The following ZGRF1 variants were observed in gnomAD, a reference collection of about 807,000 sequenced individuals.
The protein encoded by ZGRF1 is 5'-3' DNA helicase ZGRF1.
In ZGRF1, 196 loss-of-function variants were observed where a neutral mutation model predicts 203.5. The ratio of observed to expected loss-of-function variants is 0.96; its 90% CI spans 0.86 to 1.08. The LOEUF is 1.08. ZGRF1 is among the 50% of genes least tolerant of loss of function. The pLI, the probability that ZGRF1 is intolerant of heterozygous loss-of-function variation, is 0.00. For synonymous variants in ZGRF1, 809 were observed against 841.3 expected (o/e 0.96, Z 0.66); for missense variants, 2,326 against 2,416.3 (o/e 0.96, Z 0.78).
At position 112,587,818 on chromosome 4, in the gene ZGRF1, A is replaced by T. The variant is rs1747477402; in HGVS notation, c.3239T>A (p.Leu1080Ter). 1 of 1,551,726 alleles carries T rather than the reference A, an allele frequency of 6.4e-7. No individual in the cohort carries two copies. Among genetic ancestry groups the T allele is most frequent in the African/African-American group, 1.4e-5 (1 of 73,044 alleles). The change falls in exon 12 of 28, where the codon TTA (leucine) becomes TAA (stop). Residue 1080 changes from leucine (L) to a stop codon, truncating the protein, a stop_gained. Coordinates refer to ENST00000505019, the MANE Select transcript of ZGRF1 (RefSeq NM_018392.5). LOFTEE classifies it high-confidence loss of function. ...GTTGATCATATACGAATGAGAGTCT[A>T]AGTCAGGTGGCCCATCAGTACGTGG... is the stretch of plus-strand genomic sequence containing the variant. Reference protein sequence around the residue: ...TLPRTDGPPDLDSHSYMINSN... With the variant: ...TLPRTDGPPD
intron 16 of ZGRF1, chr4:112,564,888 C>A: frequency 4.7e-6 from 3 of 638,684 alleles, no homozygotes; most frequent in Non-Finnish European, 8.5e-6. Context: ...GTGTTCGCAG[C>A]CGCCACCGCG....
chr4:112,540,963 A>G lies in ZGRF1; in HGVS notation c.5776-8T>C. The G allele has an allele frequency of 6.4e-7, 1 of 1,562,880 alleles. No homozygotes were observed. Among genetic ancestry groups the G allele is most frequent in the Non-Finnish European group, 8.7e-7 (1 of 1,151,792 alleles). On this transcript the variant is annotated splice_region_variant and splice_polypyrimidine_tract_variant and intron_variant, in intron 25 of 27. Coordinates refer to ENST00000505019, the MANE Select transcript of ZGRF1 (RefSeq NM_018392.5). ...GCTGTTATCTCTTTCTATCTGGAGT[A>G]AGAAATAGATCCTAAATTATATTTC...
chr4:112,561,902 T>C (rs1742048459), intron 18 of ZGRF1, among the ~76,000 whole-genome samples: 1 of 144,124 alleles, frequency 6.9e-6, no homozygotes, highest in African/African-American at 2.5e-5. Context: ...AATGCATAAT[T>C]CCTTTTCTCT....
chr4:112,615,388 C>T (rs960126178), intron 6 of ZGRF1, among the ~76,000 whole-genome samples: 15 of 151,844 alleles, frequency 9.9e-5, no homozygotes, highest in Admixed American at 1.3e-4. Flanking sequence ...CCACCACACC[C>T]GACTAATTTT....
chr4:112,566,445 C>T (rs978984054), intron 16 of ZGRF1, among the ~76,000 whole-genome samples: 1 of 151,138 alleles, frequency 6.6e-6, no homozygotes, highest in Non-Finnish European at 1.5e-5. Context: ...ACATATGTAA[C>T]TAACCTGCAC....
At chr4:112,549,313 C>G (rs977147804) in intron 22 of ZGRF1, among the ~76,000 whole-genome samples, 1 of 152,130 alleles carries the variant, frequency 6.6e-6, no homozygotes, top group Non-Finnish European at 1.5e-5. Flanking sequence ...TATGAATTTT[C>G]TAATTAGATG....
chr4:112,629,035 TA>T (rs1204458626), intron 3 of ZGRF1, among the ~76,000 whole-genome samples: 1 of 152,196 alleles, frequency 6.6e-6, no homozygotes, highest in East Asian at 1.9e-4. Flanking sequence ...CCACCACCTT[TA>T]AAGAGCATAG....
chr4:112,582,413 CAT>C (rs775768778), intron 15 of ZGRF1, among the ~76,000 whole-genome samples: 40 of 151,926 alleles, frequency 2.6e-4, no homozygotes, highest in Non-Finnish European at 5.6e-4. Flanking sequence ...TAGCTCCACA[CAT>C]GAGTAAGAAC....
intron 10 of ZGRF1, among the ~76,000 whole-genome samples, chr4:112,593,805 G>A (rs1748553280): frequency 8.3e-6 from 1 of 120,022 alleles, no homozygotes; most frequent in African/African-American, 3.1e-5. Flanking sequence ...GACAGGTCTT[G>A]CTCTGTTGCT....
At chr4:112,583,322 A>T (rs956654269) in intron 15 of ZGRF1, among the ~76,000 whole-genome samples, 2 of 152,242 alleles carry the variant, frequency 1.3e-5, no homozygotes, top group African/African-American at 4.8e-5. Context: ...TCAGACATGC[A>T]AATGATCACT....
chr4:112,551,526 T>G (rs1383356203), intron 22 of ZGRF1, among the ~76,000 whole-genome samples: 2 of 152,196 alleles, frequency 1.3e-5, no homozygotes, highest in African/African-American at 2.4e-5. Context: ...ACAACTGCCT[T>G]ATTTTAATAA....
intron 20 of ZGRF1, among the ~76,000 whole-genome samples, chr4:112,557,393 T>C (rs959178882): frequency 7.2e-5 from 11 of 152,152 alleles, no homozygotes; most frequent in Admixed American, 3.9e-4. Flanking sequence ...CAAGCTGGTG[T>C]TGAACTTCTG....
At position 112,618,724 on chromosome 4, in the gene ZGRF1, G is replaced by GT. The variant is rs2046968745; in HGVS notation, c.1317dup (p.Pro440ThrfsTer3). The GT allele has an allele frequency of 1.2e-6, 2 of 1,610,520 alleles. No homozygotes were observed. Among genetic ancestry groups the GT allele is most frequent in the African/African-American group, 2.7e-5 (2 of 74,910 alleles). ...CACCCCTTGTCATTTTGATTAAAAG[G>GT]TATTTTATTATCTTCTTGAATGTCA... On this transcript the variant is annotated frameshift_variant, in exon 6 of 28. Coordinates refer to ENST00000505019, the MANE Select transcript of ZGRF1 (RefSeq NM_018392.5). LOFTEE classifies it high-confidence loss of function.
At chr4:112,569,704 T>C (rs575605800) in intron 16 of ZGRF1, among the ~76,000 whole-genome samples, 1 of 152,130 alleles carries the variant, frequency 6.6e-6, no homozygotes, top group South Asian at 2.1e-4. Context: ...TAATTTAAGA[T>C]TAAAGAAACA....
At position 112,539,706 on chromosome 4, in the gene ZGRF1, A is replaced by G. The variant is rs1737157615; in HGVS notation, c.6173-17T>C. ...CTTCCCTTCCTTAAAAAAACATACG[A>G]CATGAGACAACTATTCTTTATTTTA... On this transcript the variant is annotated splice_polypyrimidine_tract_variant and intron_variant, in intron 27 of 27. Transcript: ENST00000505019. The G allele has an allele frequency of 3.2e-6, 5 of 1,586,230 alleles. No individual in the cohort carries two copies. The highest frequency in any genetic ancestry group is 4.3e-6 in the Non-Finnish European group (5 of 1,166,598).
chr4:112,584,104 A>C lies in ZGRF1; in HGVS notation c.4172T>G (p.Val1391Gly), dbSNP rs1188623198. 1 of 1,613,558 alleles carries C rather than the reference A, an allele frequency of 6.2e-7. No homozygotes were observed. The highest frequency in any genetic ancestry group is 1.3e-5 in the African/African-American group (1 of 74,924). The change falls in exon 15 of 28, where the codon GTG (valine) becomes GGG (glycine). Residue 1391 changes from valine to glycine, a missense_variant. Physicochemically the swap from Val to Gly is moderately radical, Grantham distance 109. Coordinates refer to ENST00000505019, the MANE Select transcript of ZGRF1 (RefSeq NM_018392.5). The stretch of plus-strand genomic sequence containing the variant: ...TTCCTGTGTTGAATATCCTGGAGTC[A>C]CGTCCTCAAGCCATTTAAAGAATTT... ...RCKFFKWLED[V>G]TPGYSTQEGA...
intron 20 of ZGRF1, 60 bp downstream of exon 20, chr4:112,558,090 G>A (rs1741274672): frequency 4.3e-6 from 6 of 1,409,198 alleles, no homozygotes; most frequent in Non-Finnish European, 4.9e-6. Context: ...CCCATAGTGG[G>A]TTGCCTCTCT....
chr4:112,565,282 G>A, intron 16 of ZGRF1: 1 of 1,552,472 alleles, frequency 6.4e-7, no homozygotes, highest in Non-Finnish European at 8.9e-7. Flanking sequence ...GGCAAGTGAG[G>A]CCTATCTGGT....
chr4:112,619,950 A>C, intron 5 of ZGRF1, 52 bp downstream of exon 5: 1 of 1,394,042 alleles, frequency 7.2e-7, no homozygotes, highest in Non-Finnish European at 9.5e-7. Context: ...CTACTTTTCG[A>C]GACAATTTTA....
Sources: gnomAD v4.1 joint callset for allele counts (sites outside exome capture counted in the v4.1 genomes callset) on GRCh38, gnomAD v4.1.1 for gene constraint, MANE v1.5 for transcripts, NCBI Gene and HGNC (gene_info 2026-07-23, HGNC 2026-07-21) for gene names.